TMPRSS13: variants seen among roughly 807,000 people sequenced by gnomAD.
The protein encoded by TMPRSS13 is transmembrane serine protease 13.
Under a neutral mutation model 68.4 loss-of-function variants are expected in TMPRSS13, and 50 were observed. The ratio of observed to expected loss-of-function variants is 0.73; its 90% CI spans 0.58 to 0.93. The LOEUF is 0.93. Among genes scored for constraint, TMPRSS13 ranks in the 40% least tolerant of loss-of-function variants. TMPRSS13 has a pLI of 0.00. For synonymous variants in TMPRSS13, 267 were observed against 285.8 expected (o/e 0.93, Z 0.66); for missense variants, 615 against 729.2 (o/e 0.84, Z 1.80).
At chr11:117,909,350 G>T (rs2057496272) in intron 8 of TMPRSS13, among the ~76,000 whole-genome samples, 1 of 152,174 alleles carries the variant, frequency 6.6e-6, no homozygotes, top group East Asian at 1.9e-4. Context: ...CTGCCCACCA[G>T]CCTGGGCTGT....
At chr11:117,917,728 A>G (rs2057592892) in intron 2 of TMPRSS13, among the ~76,000 whole-genome samples, 1 of 152,172 alleles carries the variant, frequency 6.6e-6, no homozygotes, top group Non-Finnish European at 1.5e-5. Flanking sequence ...GGAGAGGGCA[A>G]GGCTGTGGGA....
rs1433854186 is a variant in TMPRSS13, at chr11:117,922,788, T to G, written c.22-3950A>C. 6.6e-6 allele frequency among the ~76,000 whole-genome samples: 1 copy of G among 152,202 alleles called. No homozygotes were observed. The highest frequency in any genetic ancestry group is 1.5e-5 in the Non-Finnish European group (1 of 68,032). On this transcript the variant is annotated intron_variant, in intron 1 of 12. Transcript: ENST00000524993. This position sits in a 1 kb window ranked among gnomAD's most constrained non-coding sequence, Gnocchi z 4.2. The stretch of plus-strand genomic sequence containing the variant: ...TCCCTGGCCTAACCTTGCCAACCAT[T>G]CTTTCCTGACCATGCCTCTCCTCCC...
chr11:117,917,340 G>C, intron 2 of TMPRSS13, 66 bp from the exon 3 acceptor site: 1 of 1,311,210 alleles, frequency 7.6e-7, no homozygotes. Context: ...GGAGAGGGTG[G>C]GGGAAACAAG....
In TMPRSS13 at chr11:117,915,609, A is replaced by C. The variant is rs2057569988; in HGVS notation, c.557-1095T>G. ...AGGGTACTGGGCCGGGTTGGGAGTCAGGAGGCCTGGGCTCTAGTCCTGACC... is the reference window on the plus strand; with the variant it reads ...AGGGTACTGGGCCGGGTTGGGAGTCCGGAGGCCTGGGCTCTAGTCCTGACC... On this transcript the variant is annotated intron_variant, in intron 3 of 12. Coordinates refer to ENST00000524993, the MANE Select transcript of TMPRSS13 (RefSeq NM_001077263.3). The surrounding 1 kb of genome is among the most constrained non-coding windows in gnomAD (Gnocchi z 4.9). Among the ~76,000 whole-genome samples the C allele has an allele frequency of 6.6e-6, 1 of 152,200 alleles. No individual in the cohort carries two copies.
At position 117,924,005 on chromosome 11, in the gene TMPRSS13, C is replaced by T. The variant is rs1361114367; in HGVS notation, c.22-5167G>A. 2.0e-5 allele frequency among the ~76,000 whole-genome samples: 3 copies of T among 151,788 alleles called. No homozygotes were observed. The East Asian group carries it at 5.8e-4, about 29-fold the overall frequency. On this transcript the variant is annotated intron_variant, in intron 1 of 12. Transcript: ENST00000524993. ...GGGCCATCCCTTCGTAAAGCTACCA[C>T]CCAGGGTTGGGCATATCACAGGCTG...
intron 1 of TMPRSS13, among the ~76,000 whole-genome samples, chr11:117,921,399 C>G (rs957722643): frequency 5.3e-5 from 8 of 152,218 alleles, no homozygotes; most frequent in Non-Finnish European, 7.3e-5. Context: ...CACCTCACCC[C>G]CTGAATGAGC....
At position 117,925,919 on chromosome 11, in the gene TMPRSS13, C is replaced by A. The variant is rs922605114; in HGVS notation, c.21+3368G>T. Among the ~76,000 whole-genome samples the A allele has an allele frequency of 3.9e-5, 6 of 152,388 alleles. No individual in the cohort carries two copies. In the South Asian group the frequency reaches 1.2e-3, roughly 32 times the overall value. On this transcript the variant is annotated intron_variant, in intron 1 of 12. Transcript: ENST00000524993. Reference sequence around the variant, plus strand: ...TCTCAGGGGACAATGCAGGGGAAATCGAGGTGGCTGTGCCAAAGGAAGTCT... The same window carrying A: ...TCTCAGGGGACAATGCAGGGGAAATAGAGGTGGCTGTGCCAAAGGAAGTCT...
At chr11:117,918,305 C>T in intron 2 of TMPRSS13, 104 bp downstream of exon 2, 2 of 1,361,910 alleles carry the variant, frequency 1.5e-6, no homozygotes, top group Non-Finnish European at 2.0e-6. Flanking sequence ...CCCTTCCCCG[C>T]ATCGTTGTCT....
At chr11:117,924,065 T>C (rs755993392) in intron 1 of TMPRSS13, among the ~76,000 whole-genome samples, 12 of 151,380 alleles carry the variant, frequency 7.9e-5, no homozygotes, top group Non-Finnish European at 1.6e-4. Flanking sequence ...CCCTCTAAGC[T>C]GGGCGTGGTG....
chr11:117,928,956 A>G (rs1040702408), intron 1 of TMPRSS13, among the ~76,000 whole-genome samples: 4 of 152,162 alleles, frequency 2.6e-5, no homozygotes, highest in African/African-American at 7.2e-5. Context: ...TGGATTCCCA[A>G]TCGGCAAAGT....
Position 117,902,257 on chromosome 11 carries a change from C to T in TMPRSS13, c.1686G>A (p.Val562=), listed in dbSNP as rs1565343474. 2 of 1,613,408 alleles carry T rather than the reference C, an allele frequency of 1.2e-6. No homozygotes were observed. The highest frequency in any genetic ancestry group is 1.1e-5 in the South Asian group (1 of 91,078). ...PWIYSKMESE[V]RFRKS ...CAGCTGGTTAGGATTTTCTGAATCGCACCTCGCTCTGAGGAAGAGAATGGG... is the reference window on the plus strand; with the variant it reads ...CAGCTGGTTAGGATTTTCTGAATCGTACCTCGCTCTGAGGAAGAGAATGGG... The change falls in exon 13 of 13, where the codon GTG becomes GTA. Residue 562 remains valine, a synonymous_variant. Transcript: ENST00000524993.
chr11:117,904,223 C>G (rs1244532066), intron 10 of TMPRSS13, 122 bp from the exon 11 acceptor site: 1 of 1,348,866 alleles, frequency 7.4e-7, no homozygotes, highest in African/African-American at 1.5e-5. Flanking sequence ...ATGGAGGGTG[C>G]CATGCCCGTG....
At chr11:117,919,708 A>G (rs893307893) in intron 1 of TMPRSS13, among the ~76,000 whole-genome samples, 1 of 152,278 alleles carries the variant, frequency 6.6e-6, no homozygotes, top group African/African-American at 2.4e-5. Flanking sequence ...TGGCCTCACA[A>G]GGGCCTCACC....
chr11:117,903,924 G>A, intron 11 of TMPRSS13, 35 bp downstream of exon 11: 2 of 1,604,676 alleles, frequency 1.2e-6, no homozygotes, highest in East Asian at 4.5e-5. Flanking sequence ...TCCCCAGGGT[G>A]CTGGGACCTG....
chr11:117,911,231 T>C lies in TMPRSS13; in HGVS notation c.903-481A>G, dbSNP rs777279737. On this transcript the variant is annotated intron_variant, in intron 6 of 12. Transcript: ENST00000524993. ...TCTCTCCCCTCCGTAGGGCAAACAA[T>C]GCTAGCTGGCAGAGACCCCAAACCT... is the stretch of plus-strand genomic sequence containing the variant. 1.2e-4 allele frequency among the ~76,000 whole-genome samples: 19 copies of C among 152,216 alleles called. No homozygotes were observed. In the South Asian group the frequency reaches 3.1e-3, roughly 25 times the overall value.
At chr11:117,917,687 G>A (rs926784861) in intron 2 of TMPRSS13, among the ~76,000 whole-genome samples, 1 of 152,180 alleles carries the variant, frequency 6.6e-6, no homozygotes, top group African/African-American at 2.4e-5. Flanking sequence ...CCAGTGCAGT[G>A]GGTCTGATAC....
At chr11:117,925,632 T>A (rs2057698016) in intron 1 of TMPRSS13, among the ~76,000 whole-genome samples, 2 of 152,070 alleles carry the variant, frequency 1.3e-5, no homozygotes, top group Non-Finnish European at 2.9e-5. Context: ...CCAACCCCCA[T>A]CTGGTGCTGT....
chr11:117,910,867 A>G (rs1224713745), intron 6 of TMPRSS13, 117 bp from the exon 7 acceptor site: 3 of 911,726 alleles, frequency 3.3e-6, no homozygotes, highest in African/African-American at 3.3e-5. Flanking sequence ...TACCCTTTGT[A>G]CAGGAAGCAG....
chr11:117,906,885 G>A (rs189879319), intron 9 of TMPRSS13, among the ~76,000 whole-genome samples: 18 of 152,196 alleles, frequency 1.2e-4, no homozygotes, highest in African/African-American at 4.3e-4. Context: ...CCTGCCAAAT[G>A]AGTTTAAGAA....
Sources: allele counts gnomAD v4.1 joint callset (sites outside exome capture counted in the v4.1 genomes callset), GRCh38; gene constraint gnomAD v4.1.1; non-coding constraint Gnocchi (gnomAD v3.1); transcripts MANE v1.5; gene names NCBI Gene and HGNC (gene_info 2026-07-23, HGNC 2026-07-21).